XKR6: variants seen among roughly 807,000 people sequenced by gnomAD.
XKR6 encodes the protein XK related 6, also known as XK-related protein 6.
A neutral mutation model predicts 56.7 loss-of-function variants in XKR6; 22 were observed. That is an observed-to-expected ratio of 0.39 (90% CI 0.28 to 0.55). XKR6 has a LOEUF of 0.55. Among genes scored for constraint, XKR6 ranks in the 20% least tolerant of loss-of-function variants. The probability of loss-of-function intolerance (pLI) is 0.66; values close to 1 mark genes in which losing one functional copy is unlikely to be tolerated. For missense variants in XKR6, 852 were observed against 889.0 expected (o/e 0.96, Z 0.53); for synonymous variants, 524 against 387.8 (o/e 1.35, Z -4.13).
intron 1 of XKR6, among the ~76,000 whole-genome samples, chr8:11,069,339 CT>C (rs934810425): frequency 6.6e-6 from 1 of 152,184 alleles, no homozygotes; most frequent in African/African-American, 2.4e-5. Flanking sequence ...AGCAGCCCCC[CT>C]GGTCCATCCC....
chr8:11,192,613 T>A (rs1431757324), intron 1 of XKR6, among the ~76,000 whole-genome samples: 13 of 152,178 alleles, frequency 8.5e-5, no homozygotes, highest in Non-Finnish European at 2.9e-5. Flanking sequence ...AGAATCTGTT[T>A]CTTTAGAAAA....
At chr8:11,011,571 C>T (rs753482790) in intron 1 of XKR6, among the ~76,000 whole-genome samples, 3 of 152,202 alleles carry the variant, frequency 2.0e-5, no homozygotes, top group Non-Finnish European at 4.4e-5. Flanking sequence ...AGGACAAAAA[C>T]CTCTGGCTAT....
chr8:10,911,612 T>C (rs1800370958), intron 2 of XKR6, among the ~76,000 whole-genome samples: 1 of 146,332 alleles, frequency 6.8e-6, no homozygotes, highest in African/African-American at 2.5e-5. Flanking sequence ...ATTGCACATA[T>C]ATATGTAGAC....
chr8:10,952,217 C>A (rs1332485907), intron 1 of XKR6, among the ~76,000 whole-genome samples: 1 of 152,176 alleles, frequency 6.6e-6, no homozygotes, highest in African/African-American at 2.4e-5. Flanking sequence ...ACCCACAGGC[C>A]TCCCCGTGAC....
rs1798089544 is a variant in XKR6 at position 10,995,484 on chromosome 8, T to C, written c.765-70654A>G. 2.3e-5 allele frequency among the ~76,000 whole-genome samples: 3 copies of C among 130,274 alleles called. No homozygotes were observed. The Admixed American group carries it at 2.3e-4, about 10-fold the overall frequency. 85.5% of individuals were successfully genotyped at this position (130,274 alleles called of 152,430 possible). A position where few individuals can be genotyped will look rare whatever the true frequency, so the allele number is the denominator to read the frequency against. Reference sequence around the variant, plus strand: ...TATATAATACATATAAAACCCTATATCATATATATATATATACACACACAC... The same window carrying C: ...TATATAATACATATAAAACCCTATACCATATATATATATATACACACACAC... On this transcript the variant is annotated intron_variant, in intron 1 of 2. Transcript: ENST00000416569.
chr8:11,182,727 T>C (rs1803061018), intron 1 of XKR6, among the ~76,000 whole-genome samples: 1 of 152,218 alleles, frequency 6.6e-6, no homozygotes, highest in Non-Finnish European at 1.5e-5. Flanking sequence ...TGTGGCAAAG[T>C]ATATACAACA....
At chr8:11,165,089 CCTTTT>C (rs1168307216) in intron 1 of XKR6, among the ~76,000 whole-genome samples, 3 of 104,224 alleles carry the variant, frequency 2.9e-5, no homozygotes, top group Non-Finnish European at 6.3e-5. Flanking sequence ...TAGGCTATCA[CCTTTT>C]TTTTTTTTTT....
At chr8:10,998,989 A>G (rs1442669441) in intron 1 of XKR6, among the ~76,000 whole-genome samples, 5 of 152,192 alleles carry the variant, frequency 3.3e-5, no homozygotes, top group African/African-American at 1.2e-4. Context: ...AGGAAAACCT[A>G]GCTCCAGTGA....
intron 1 of XKR6, among the ~76,000 whole-genome samples, chr8:11,089,618 C>T (rs1479086715): frequency 2.6e-5 from 4 of 152,088 alleles, no homozygotes; most frequent in African/African-American, 9.7e-5. Flanking sequence ...GCCTAGGTGA[C>T]AGAGTGAGAT....
chr8:11,078,375 T>C (rs372230243), intron 1 of XKR6, among the ~76,000 whole-genome samples: 6 of 152,172 alleles, frequency 3.9e-5, no homozygotes, highest in Middle Eastern at 3.2e-3. Flanking sequence ...CTTTCAAATA[T>C]TCATGCTGGC....
At chr8:10,912,687 G>A (rs868673167) in intron 2 of XKR6, among the ~76,000 whole-genome samples, 1 of 132,752 alleles carries the variant, frequency 7.5e-6, no homozygotes, top group African/African-American at 2.9e-5. Context: ...GAGGGTGAGT[G>A]TATATATATA....
intron 1 of XKR6, among the ~76,000 whole-genome samples, chr8:10,971,788 C>T (rs532603333): frequency 6.6e-6 from 1 of 152,320 alleles, no homozygotes; most frequent in East Asian, 1.9e-4. Flanking sequence ...TGGCCACCCA[C>T]CACCTCGTCC....
chr8:10,924,173 A>C (rs938653869), intron 2 of XKR6, among the ~76,000 whole-genome samples: 3 of 152,220 alleles, frequency 2.0e-5, no homozygotes. Flanking sequence ...GGGCTTACAC[A>C]TGAGCTTGGT....
chr8:11,052,625 A>C (rs552061190), intron 1 of XKR6, among the ~76,000 whole-genome samples: 1 of 152,046 alleles, frequency 6.6e-6, no homozygotes, highest in Non-Finnish European at 1.5e-5. Context: ...GGGAGCCCAG[A>C]GCCCAGTTCT....
intron 1 of XKR6, among the ~76,000 whole-genome samples, chr8:10,966,646 C>T (rs1442167630): frequency 1.3e-5 from 2 of 152,204 alleles, no homozygotes; most frequent in Non-Finnish European, 2.9e-5. Flanking sequence ...TACACTCCAG[C>T]CTGGACCACA....
At chr8:10,970,717 T>C (rs888181414) in intron 1 of XKR6, among the ~76,000 whole-genome samples, 4 of 152,008 alleles carry the variant, frequency 2.6e-5, no homozygotes, top group Non-Finnish European at 5.9e-5. Context: ...TAGACTAAAT[T>C]ATTTTAACTA....
Position 11,131,569 on chromosome 8 carries a change from G to A in XKR6, c.764+69007C>T, listed in dbSNP as rs184895896. On this transcript the variant is annotated intron_variant, in intron 1 of 2. Transcript: ENST00000416569. ...AGTGAACAAAGGTACACAATAAAAA[G>A]TTTTCCTTTCATCCTTGCCATTAGC... Among the ~76,000 whole-genome samples the A allele has an allele frequency of 2.0e-3, 306 of 152,222 alleles. 1 individual carries two copies. The highest frequency in any genetic ancestry group is 6.9e-3 in the African/African-American group (288 of 41,510).
chr8:11,137,900 G>C (rs2116922367), intron 1 of XKR6: 1 of 355,702 alleles, frequency 2.8e-6, no homozygotes, highest in South Asian at 2.2e-5. Flanking sequence ...ATAAGACTTA[G>C]GTCCAAAATC....
chr8:11,114,124 T>A (rs768071833), intron 1 of XKR6: 1 of 432,020 alleles, frequency 2.3e-6, no homozygotes, highest in East Asian at 7.3e-5. Flanking sequence ...AATGAACAAA[T>A]GAGCATGGAA....
Sources: allele counts gnomAD v4.1 joint callset (sites outside exome capture counted in the v4.1 genomes callset), GRCh38; gene constraint gnomAD v4.1.1; transcripts MANE v1.5; gene names NCBI Gene and HGNC (gene_info 2026-07-23, HGNC 2026-07-21).